Variants in DOCK1 observed in about 807,000 individuals in gnomAD.
DOCK1 encodes the protein dedicator of cytokinesis protein 1.
A neutral mutation model predicts 262.7 loss-of-function variants in DOCK1; 138 were observed. That is an observed-to-expected ratio of 0.53 (90% CI 0.46 to 0.61). The LOEUF is 0.61. Among genes scored for constraint, DOCK1 ranks in the 20% least tolerant of loss-of-function variants. The pLI is 0.00. For missense variants in DOCK1, 1,908 were observed against 2,370.7 expected (o/e 0.80, Z 4.05); for synonymous variants, 866 against 867.4 (o/e 1.00, Z 0.03).
chr10:127,019,053 C>G, intron 13 of DOCK1: 1 of 629,168 alleles, frequency 1.6e-6, no homozygotes, highest in Admixed American at 3.4e-5. Context: ...TGGATCAGCT[C>G]TCCCCAGCTG....
chr10:127,043,462 G>C (rs2044151364), intron 21 of DOCK1, among the ~76,000 whole-genome samples: 1 of 152,256 alleles, frequency 6.6e-6, no homozygotes, highest in Admixed American at 6.5e-5. Flanking sequence ...GATGCGGAGT[G>C]TCTGACACCG....
chr10:126,915,896 G>A (rs368132040), intron 1 of DOCK1, among the ~76,000 whole-genome samples: 9 of 152,220 alleles, frequency 5.9e-5, no homozygotes, highest in East Asian at 1.9e-4. Context: ...AATGAGAACC[G>A]TGTCTTTGTT....
intron 15 of DOCK1, 136 bp from the exon 16 acceptor site, chr10:127,026,215 AG>A: frequency 1.2e-6 from 1 of 832,438 alleles, no homozygotes; most frequent in Non-Finnish European, 1.9e-6. Context: ...AAAATCATAT[AG>A]GGGACTAGGT....
At chr10:126,928,529 G>A (rs1469488002) in intron 1 of DOCK1, among the ~76,000 whole-genome samples, 2 of 150,580 alleles carry the variant, frequency 1.3e-5, no homozygotes, top group Non-Finnish European at 2.9e-5. Flanking sequence ...TCCTCGGCTG[G>A]TGTCCATGTG....
At chr10:127,316,833 A>G (rs1441872096) in intron 29 of DOCK1, among the ~76,000 whole-genome samples, 2 of 152,118 alleles carry the variant, frequency 1.3e-5, no homozygotes, top group Admixed American at 6.5e-5. Flanking sequence ...GATCCCAGGT[A>G]CACTCGTGGC....
intron 1 of DOCK1, among the ~76,000 whole-genome samples, chr10:126,959,519 T>TA (rs1240055248): frequency 0.059 from 8,986 of 152,034 alleles, 305 homozygotes; most frequent in African/African-American, 0.078. Flanking sequence ...TTGGACTAGA[T>TA]AAAAAAAATC....
intron 32 of DOCK1, among the ~76,000 whole-genome samples, chr10:127,358,783 G>A (rs897337012): frequency 6.6e-6 from 1 of 152,144 alleles, no homozygotes; most frequent in Non-Finnish European, 1.5e-5. Flanking sequence ...ATTTTTCTGG[G>A]ATAAGTCTAT....
intron 28 of DOCK1, 45 bp from the exon 29 acceptor site, chr10:127,257,290 C>G (rs1284158876): frequency 6.7e-7 from 1 of 1,481,526 alleles, no homozygotes; most frequent in Non-Finnish European, 9.2e-7. Context: ...TCATGTTTAC[C>G]TTTTTCTTTG....
chr10:126,943,772 T>C (rs909980440), intron 1 of DOCK1, among the ~76,000 whole-genome samples: 3 of 151,948 alleles, frequency 2.0e-5, no homozygotes, highest in Non-Finnish European at 2.9e-5. Flanking sequence ...AGATTAGATA[T>C]GAGTTAATGA....
At chr10:127,296,665 C>T (rs1590324121) in intron 29 of DOCK1, among the ~76,000 whole-genome samples, 1 of 152,212 alleles carries the variant, frequency 6.6e-6, no homozygotes, top group African/African-American at 2.4e-5. Context: ...GGCTGAGCTT[C>T]TAAACATACC....
intron 23 of DOCK1, among the ~76,000 whole-genome samples, chr10:127,065,842 A>G (rs1006819689): frequency 5.6e-5 from 7 of 125,788 alleles, no homozygotes; most frequent in African/African-American, 2.0e-4. Flanking sequence ...CAACAAGAGC[A>G]AAACTCCATC....
At chr10:127,011,410 G>A (rs991665313) in intron 11 of DOCK1, among the ~76,000 whole-genome samples, 5 of 152,138 alleles carry the variant, frequency 3.3e-5, no homozygotes, top group African/African-American at 1.2e-4. Flanking sequence ...CAGTTCCCTC[G>A]AGTCATGTGG....
intron 21 of DOCK1, among the ~76,000 whole-genome samples, chr10:127,050,704 GA>G (rs112955723): frequency 0.096 from 11,238 of 117,184 alleles, 449 homozygotes; most frequent in East Asian, 0.16. Context: ...GACTCTGTCT[GA>G]AAAAAAAAAA....
chr10:127,076,302 C>T (rs1419207901), intron 23 of DOCK1, among the ~76,000 whole-genome samples: 2 of 152,158 alleles, frequency 1.3e-5, no homozygotes, highest in Non-Finnish European at 2.9e-5. Context: ...TAGATCAAGA[C>T]CATCCTGGCT....
intron 1 of DOCK1, among the ~76,000 whole-genome samples, chr10:126,934,908 A>T (rs2034463642): frequency 6.6e-6 from 1 of 152,116 alleles, no homozygotes; most frequent in African/African-American, 2.4e-5. Flanking sequence ...TGAGGTCAGG[A>T]GACCATCCTG....
At chr10:127,223,131 A>C (rs1471256886) in intron 27 of DOCK1, among the ~76,000 whole-genome samples, 1 of 152,216 alleles carries the variant, frequency 6.6e-6, no homozygotes, top group East Asian at 1.9e-4. Context: ...ACAACTAATA[A>C]ATCAATACTG....
chr10:127,253,874 CAAAAAAAAAAA>C lies in DOCK1; in HGVS notation c.2950-3452_2950-3442del, dbSNP rs575042004. On this transcript the variant is annotated intron_variant, in intron 28 of 51. Transcript: ENST00000623213. The stretch of plus-strand genomic sequence containing the variant: ...TGGGTGATAGCATGAGACCCTGTCT[CAAAAAAAAAAA>C]AAAAAAAAGGAAACCATGATTCCTG... Among the ~76,000 whole-genome samples the C allele has an allele frequency of 3.2e-3, 325 of 101,484 alleles. 3 individuals are homozygous for C. Among genetic ancestry groups the C allele is most frequent in the African/African-American group, 0.011 (310 of 28,156 alleles). 66.6% of individuals were successfully genotyped at this position (101,484 alleles called of 152,430 possible).
chr10:127,009,938 G>A (rs554095740), intron 11 of DOCK1, among the ~76,000 whole-genome samples: 2 of 152,238 alleles, frequency 1.3e-5, no homozygotes, highest in South Asian at 4.2e-4. Context: ...CTTTGCAGGC[G>A]GGCGATGTGG....
At chr10:127,321,248 CT>C (rs2062510347) in intron 29 of DOCK1, among the ~76,000 whole-genome samples, 1 of 49,900 alleles carries the variant, frequency 2.0e-5, no homozygotes. Context: ...TCCTCCCCCT[CT>C]CTCTCCTCCC....
Sources: allele counts gnomAD v4.1 joint callset (sites outside exome capture counted in the v4.1 genomes callset), GRCh38; gene constraint gnomAD v4.1.1; transcripts MANE v1.5; gene names NCBI Gene and HGNC (gene_info 2026-07-23, HGNC 2026-07-21).